Variants in PCDHGB3 observed in about 807,000 individuals in gnomAD.
The protein encoded by PCDHGB3 is protocadherin gamma subfamily B, 3.
PCDHGB3 carries 40 observed loss-of-function variants against 59.2 expected under a neutral mutation model. That is an observed-to-expected ratio of 0.68 (90% confidence interval 0.52 to 0.88). PCDHGB3 has a LOEUF of 0.88. Ranked by LOEUF, PCDHGB3 falls within the 40% of genes least tolerant of loss-of-function variation. The probability of loss-of-function intolerance (pLI) is 0.00; values close to 1 mark genes in which losing one functional copy is unlikely to be tolerated. For synonymous variants in PCDHGB3, 581 were observed against 503.6 expected (o/e 1.15, Z -2.06); for missense variants, 1,309 against 1,187.9 (o/e 1.10, Z -1.50).
intron 1 of PCDHGB3, chr5:141,413,180 C>T: frequency 6.2e-7 from 1 of 1,602,612 alleles, no homozygotes; most frequent in Non-Finnish European, 8.5e-7. Flanking sequence ...ACTACAATGG[C>T]CGCTCAAAGG....
Position 141,491,755 on chromosome 5 carries a change from G to T in PCDHGB3, c.2416-3052G>T, listed in dbSNP as rs1402188587. 3 of 1,582,078 alleles carry T rather than the reference G, an allele frequency of 1.9e-6. No individual in the cohort carries two copies. Among genetic ancestry groups the T allele is most frequent in the Non-Finnish European group, 2.6e-6 (3 of 1,165,458 alleles). On this transcript the variant is annotated intron_variant, in intron 1 of 3. Coordinates refer to ENST00000576222, the MANE Select transcript of PCDHGB3 (RefSeq NM_018924.5). This position sits in a 1 kb window ranked among gnomAD's most constrained non-coding sequence, Gnocchi z 6.9. ...CCCTGGGGGCGGCACTGGAGAAGCC[G>T]CCCGTCCTCATAAGGGATTGAACTT...
rs114776679 is a variant in PCDHGB3, at chr5:141,400,351, G to A, written c.2415+27542G>A. The A allele has an allele frequency of 1.1e-3, 1,779 of 1,614,070 alleles. 15 individuals are homozygous for A. The African/African-American group carries it at 0.021, about 19-fold the overall frequency. On this transcript the variant is annotated intron_variant, in intron 1 of 3. Coordinates refer to ENST00000576222, the MANE Select transcript of PCDHGB3 (RefSeq NM_018924.5). ...TGTGGTTCCCCCCAACTACAGTCAG[G>A]GGACTTTGCCTTATTCCTACAACCT...
intron 1 of PCDHGB3, among the ~76,000 whole-genome samples, chr5:141,465,360 C>T (rs1238387777): frequency 6.6e-6 from 1 of 151,940 alleles, no homozygotes; most frequent in Non-Finnish European, 1.5e-5. Context: ...AAAATGGGTG[C>T]CCTTTAAAGT....
intron 2 of PCDHGB3, among the ~76,000 whole-genome samples, chr5:141,504,722 C>T (rs747319660): frequency 1.3e-5 from 2 of 151,828 alleles, no homozygotes; most frequent in Non-Finnish European, 2.9e-5. Context: ...GGATTTTACT[C>T]TGAGGGCTTA....
chr5:141,450,183 A>G (rs1461369835), intron 1 of PCDHGB3, among the ~76,000 whole-genome samples: 1 of 151,558 alleles, frequency 6.6e-6, no homozygotes, highest in Non-Finnish European at 1.5e-5. Context: ...ACACCCAGCT[A>G]ATTTTTGTAT....
rs962326553 is a variant in PCDHGB3 at position 141,387,971 on chromosome 5, C to T, written c.2415+15162C>T. 1.0e-5 allele frequency: 15 copies of T among 1,489,894 alleles called. 1 individual carries two copies. Among genetic ancestry groups the T allele is most frequent in the Non-Finnish European group, 1.3e-5 (14 of 1,108,812 alleles). The allele number at this position is 1,489,894 out of a possible 1,614,324, so 92.3% of individuals were successfully genotyped here. ...TGCTGTCTTTGTTCTGCCCGGCGCT[C>T]TGTGAGCAGATCCGCTACAGGATTC... On this transcript the variant is annotated intron_variant, in intron 1 of 3. Transcript: ENST00000576222.
rs749415234 is a variant in PCDHGB3, at chr5:141,419,462, C to A, written c.2415+46653C>A. On this transcript the variant is annotated intron_variant, in intron 1 of 3. Transcript: ENST00000576222. Reference sequence around the variant, plus strand: ...CACCTTCGAGCTCACGCTGCAGGCCCGCGACCAGGGCTCGCCCGCGCTCAG... The same window carrying A: ...CACCTTCGAGCTCACGCTGCAGGCCAGCGACCAGGGCTCGCCCGCGCTCAG... 2.5e-6 allele frequency: 4 copies of A among 1,612,582 alleles called. No homozygotes were observed. In the Admixed American group the frequency reaches 6.7e-5, roughly 27 times the overall value.
intron 1 of PCDHGB3, among the ~76,000 whole-genome samples, chr5:141,437,457 T>C (rs527469937): frequency 7.2e-5 from 11 of 152,358 alleles, no homozygotes; most frequent in Non-Finnish European, 1.5e-4. Flanking sequence ...GAGGAGACTA[T>C]ACTATACTTT....
chr5:141,403,741 T>G, intron 1 of PCDHGB3: 1 of 1,613,906 alleles, frequency 6.2e-7, no homozygotes. Context: ...GGCTGCTTAC[T>G]GCAACAGCCA....
rs760070878 is a variant in PCDHGB3, at chr5:141,490,862, C to T, written c.2416-3945C>T. On this transcript the variant is annotated intron_variant, in intron 1 of 3. Coordinates refer to ENST00000576222, the MANE Select transcript of PCDHGB3 (RefSeq NM_018924.5). This position sits in a 1 kb window ranked among gnomAD's most constrained non-coding sequence, Gnocchi z 5.4. ...GTGGTGGGGGTTCGAGACTCCGGCTCTCCCCCATTGCATGCCAACACATCT... is the reference window on the plus strand; with the variant it reads ...GTGGTGGGGGTTCGAGACTCCGGCTTTCCCCCATTGCATGCCAACACATCT... 2.0e-5 allele frequency: 33 copies of T among 1,613,878 alleles called. No individual in the cohort carries two copies. Among genetic ancestry groups the T allele is most frequent in the Non-Finnish European group, 2.8e-5 (33 of 1,179,920 alleles).
chr5:141,418,397 T>C (rs764404369), intron 1 of PCDHGB3: 9 of 1,613,838 alleles, frequency 5.6e-6, no homozygotes, highest in South Asian at 3.3e-5. Context: ...GTATTTCTCA[T>C]TGGTGGAGAA....
intron 1 of PCDHGB3, chr5:141,412,147 G>C (rs1447265509): frequency 6.6e-6 from 1 of 152,176 alleles, no homozygotes; most frequent in East Asian, 1.9e-4. Context: ...GATACAAACT[G>C]CCTAAGAGAA....
intron 1 of PCDHGB3, chr5:141,427,972 C>A: frequency 6.3e-7 from 1 of 1,593,948 alleles, no homozygotes; most frequent in Non-Finnish European, 8.6e-7. Context: ...GTGCTGTACC[C>A]CGCGCTGGGG....
chr5:141,392,713 G>C, intron 1 of PCDHGB3: 1 of 1,363,444 alleles, frequency 7.3e-7, no homozygotes, highest in Non-Finnish European at 9.6e-7. Flanking sequence ...AGGCACTCCA[G>C]GTTTCCGGAG....
At chr5:141,374,673 A>AC (rs753936532) in intron 1 of PCDHGB3, 1 of 1,610,972 alleles carries the variant, frequency 6.2e-7, no homozygotes, top group Admixed American at 1.7e-5. Flanking sequence ...CTGGTGCTGG[A>AC]GGGCACACTG....
intron 1 of PCDHGB3, chr5:141,410,849 C>CTTTTTTTTTTTTTTTTTTGTTTTTTTT (rs2095435748): frequency 1.5e-5 from 2 of 129,786 alleles, no homozygotes; most frequent in Non-Finnish European, 2.6e-5. Context: ...TTGTCTTTGT[C>CTTTTTTTTTTTTTTTTTTGTTTTTTTT]TTTTTTTTTT....
intron 1 of PCDHGB3, chr5:141,478,529 A>G: frequency 6.2e-7 from 1 of 1,609,580 alleles, no homozygotes; most frequent in Non-Finnish European, 8.5e-7. Flanking sequence ...GGGTGCAGAG[A>G]GCGCCCCTCC....
chr5:141,414,638 A>C lies in PCDHGB3; in HGVS notation c.2415+41829A>C, dbSNP rs539861509. The C allele has an allele frequency of 7.8e-5, 126 of 1,613,988 alleles. 1 individual carries two copies. In the South Asian group the frequency reaches 1.3e-3, roughly 17 times the overall value. ...GCGCTGGACCCGGACAGCAAAGAGA[A>C]TGCCCAGATTATTTACTCCCTGGCT... On this transcript the variant is annotated intron_variant, in intron 1 of 3. Coordinates refer to ENST00000576222, the MANE Select transcript of PCDHGB3 (RefSeq NM_018924.5).
chr5:141,373,925 G>A, intron 1 of PCDHGB3: 1 of 660,678 alleles, frequency 1.5e-6, no homozygotes, highest in Non-Finnish European at 2.3e-6. Context: ...CAAATTAGAC[G>A]GGAAAGCAGG....
Sources: allele counts gnomAD v4.1 joint callset (sites outside exome capture counted in the v4.1 genomes callset), GRCh38; gene constraint gnomAD v4.1.1; non-coding constraint Gnocchi (gnomAD v3.1); transcripts MANE v1.5; gene names NCBI Gene and HGNC (gene_info 2026-07-23, HGNC 2026-07-21).